GLIS3: variants seen among roughly 807,000 people sequenced by gnomAD.
The protein encoded by GLIS3 is zinc finger protein GLIS3.
In GLIS3, 53 loss-of-function variants were observed where a neutral mutation model predicts 78.6. That is an observed-to-expected ratio of 0.67 (90% confidence interval 0.54 to 0.85). The LOEUF (loss-of-function observed/expected upper bound fraction) is 0.85, where lower values mean the gene tolerates loss of function less well. Among genes scored for constraint, GLIS3 ranks in the 40% least tolerant of loss-of-function variants. The pLI is 0.00. For synonymous variants in GLIS3, 684 were observed against 509.9 expected (o/e 1.34, Z -4.60); for missense variants, 1,703 against 1,231.1 (o/e 1.38, Z -5.74).
At chr9:4,232,141 G>A (rs1414147545) in intron 2 of GLIS3, among the ~76,000 whole-genome samples, 2 of 152,118 alleles carry the variant, frequency 1.3e-5, no homozygotes, top group Admixed American at 6.6e-5. Flanking sequence ...ACTTTGGGAG[G>A]CTGAAGTGGG....
intron 2 of GLIS3, among the ~76,000 whole-genome samples, chr9:4,216,116 A>G (rs1010787466): frequency 6.6e-6 from 1 of 152,128 alleles, no homozygotes; most frequent in Admixed American, 6.5e-5. Context: ...TTTTTCTTCC[A>G]TTTAAATAGA....
rs543441926 is a variant in GLIS3, at chr9:4,261,934, G to C, written c.388+24104C>G. Among the ~76,000 whole-genome samples the C allele has an allele frequency of 3.3e-5, 5 of 152,310 alleles. No individual in the cohort carries two copies. In the South Asian group the frequency reaches 1.0e-3, roughly 32 times the overall value. On this transcript the variant is annotated intron_variant, in intron 2 of 10. Coordinates refer to ENST00000381971, the MANE Select transcript of GLIS3 (RefSeq NM_001042413.2). The stretch of plus-strand genomic sequence containing the variant: ...TACCCTGTAATACTGTCTCCAAAGA[G>C]GGCTCTCCAGCAGATGCAGGGGGTC...
intron 2 of GLIS3, among the ~76,000 whole-genome samples, chr9:4,168,179 A>C (rs1450691572): frequency 6.7e-6 from 1 of 149,652 alleles, no homozygotes. Flanking sequence ...TCTCTCTCTT[A>C]CACACACACA....
At chr9:4,234,010 T>A (rs115311752) in intron 2 of GLIS3, among the ~76,000 whole-genome samples, 15 of 152,366 alleles carry the variant, frequency 9.8e-5, no homozygotes, top group African/African-American at 3.4e-4. Context: ...CTCACGTCTC[T>A]CAGCCTTTGT....
the GLIS3 span, among the ~76,000 whole-genome samples, chr9:4,472,048 C>G: frequency 6.6e-6 from 1 of 152,126 alleles, no homozygotes; most frequent in East Asian, 1.9e-4. Flanking sequence ...AAATCAAAAC[C>G]ACAAGGAGAT....
chr9:4,033,586 C>T (rs13283194), intron 4 of GLIS3, among the ~76,000 whole-genome samples: 9 of 152,042 alleles, frequency 5.9e-5, no homozygotes, highest in Non-Finnish European at 1.0e-4. Flanking sequence ...CAAATAGGAG[C>T]ATGGACTTCC....
the GLIS3 span, chr9:4,386,583 G>C: frequency 6.6e-6 from 1 of 152,178 alleles, no homozygotes; most frequent in Non-Finnish European, 1.5e-5. Context: ...TAATGAAAAT[G>C]AAAGTACTCC....
intron 4 of GLIS3, among the ~76,000 whole-genome samples, chr9:3,996,475 T>C (rs563352383): frequency 1.2e-4 from 19 of 152,280 alleles, no homozygotes; most frequent in African/African-American, 4.6e-4. Flanking sequence ...GGGATAAAGG[T>C]AAAGATACTG....
At chr9:4,140,689 C>A (rs986705056) in intron 2 of GLIS3, among the ~76,000 whole-genome samples, 1 of 152,184 alleles carries the variant, frequency 6.6e-6, no homozygotes, top group Non-Finnish European at 1.5e-5. Flanking sequence ...GCCCATTCAG[C>A]AGCTCATGTT....
intron 2 of GLIS3, among the ~76,000 whole-genome samples, chr9:4,328,772 T>C (rs765095815): frequency 6.6e-6 from 1 of 152,196 alleles, no homozygotes. Context: ...CTCTCTGCCA[T>C]ACCAGGTGTT....
At chr9:4,289,761 C>T (rs946987145) in intron 1 of GLIS3, among the ~76,000 whole-genome samples, 2 of 152,114 alleles carry the variant, frequency 1.3e-5, no homozygotes, top group African/African-American at 2.4e-5. Context: ...GAGTTTTATA[C>T]TACATTGGTT....
intron 4 of GLIS3, among the ~76,000 whole-genome samples, chr9:4,008,340 AG>A (rs1166973604): frequency 2.0e-5 from 3 of 152,258 alleles, no homozygotes; most frequent in Admixed American, 2.0e-4. Flanking sequence ...AATATCCATC[AG>A]CCCCCAGTAA....
chr9:4,024,987 G>A (rs1017205232), intron 4 of GLIS3, among the ~76,000 whole-genome samples: 1 of 152,152 alleles, frequency 6.6e-6, no homozygotes, highest in African/African-American at 2.4e-5. Flanking sequence ...GGTGGCTCAT[G>A]CCTGTAATCC....
the GLIS3 span, among the ~76,000 whole-genome samples, chr9:4,470,629 A>T: frequency 6.6e-6 from 1 of 152,142 alleles, no homozygotes; most frequent in African/African-American, 2.4e-5. Flanking sequence ...TATCTATGAC[A>T]AACCCACAGC....
chr9:4,441,780 T>A, the GLIS3 span, among the ~76,000 whole-genome samples: 1 of 152,152 alleles, frequency 6.6e-6, no homozygotes, highest in Non-Finnish European at 1.5e-5. Flanking sequence ...CTCATTTTTG[T>A]ATTTTTTGTA....
At chr9:4,030,627 T>C (rs575355978) in intron 4 of GLIS3, among the ~76,000 whole-genome samples, 1 of 152,316 alleles carries the variant, frequency 6.6e-6, no homozygotes, top group South Asian at 2.1e-4. Flanking sequence ...GGGTCAACTT[T>C]CATTCTTCTG....
intron 4 of GLIS3, among the ~76,000 whole-genome samples, chr9:4,033,304 C>G (rs183634344): frequency 6.6e-6 from 1 of 152,256 alleles, no homozygotes; most frequent in Admixed American, 6.5e-5. Context: ...AAACAGCTGT[C>G]CCTTGGTCAC....
intron 2 of GLIS3, among the ~76,000 whole-genome samples, chr9:4,343,130 T>A (rs1451346643): frequency 6.6e-6 from 1 of 152,036 alleles, no homozygotes; most frequent in East Asian, 1.9e-4. Flanking sequence ...CTTGAGCCCA[T>A]GAATTTGAGA....
chr9:4,144,559 G>C (rs1256006429), intron 2 of GLIS3, among the ~76,000 whole-genome samples: 1 of 152,198 alleles, frequency 6.6e-6, no homozygotes, highest in Non-Finnish European at 1.5e-5. Context: ...AAAAGTCAGA[G>C]ATGTGGTTAA....
Sources: gnomAD v4.1 joint callset for allele counts (sites outside exome capture counted in the v4.1 genomes callset) on GRCh38, gnomAD v4.1.1 for gene constraint, MANE v1.5 for transcripts, NCBI Gene and HGNC (gene_info 2026-07-23, HGNC 2026-07-21) for gene names.